Variants in CWC22 observed in about 807,000 individuals in gnomAD.
CWC22 encodes the protein CWC22 spliceosome associated protein.
Under a neutral mutation model 117.2 loss-of-function variants are expected in CWC22, and 53 were observed. That is an observed-to-expected ratio of 0.45 (90% confidence interval 0.36 to 0.57). The LOEUF (loss-of-function observed/expected upper bound fraction) is 0.57, where lower values mean the gene tolerates loss of function less well. Ranked by LOEUF, CWC22 falls within the 20% of genes least tolerant of loss-of-function variation. The pLI, the probability that CWC22 is intolerant of heterozygous loss-of-function variation, is 0.00. For synonymous variants in CWC22, 360 were observed against 355.6 expected, an observed-to-expected ratio of 1.01 and a Z score of -0.14; for missense variants, 980 against 1,068.8, an observed-to-expected ratio of 0.92 and a Z score of 1.16.
At chr2:179,998,306 G>A (rs1687758465) in intron 1 of CWC22, among the ~76,000 whole-genome samples, 1 of 152,062 alleles carries the variant, frequency 6.6e-6, no homozygotes, top group African/African-American at 2.4e-5. Flanking sequence ...TAATTCATAG[G>A]TAAGAAGTGT....
At chr2:179,957,649 G>A (rs922115051) in intron 14 of CWC22, among the ~76,000 whole-genome samples, 7 of 152,072 alleles carry the variant, frequency 4.6e-5, no homozygotes, top group African/African-American at 1.4e-4. Context: ...ACTTAGCTCC[G>A]ATAATCAAGA....
At chr2:179,997,290 G>GAT (rs550447802) in intron 1 of CWC22, among the ~76,000 whole-genome samples, 351 of 151,170 alleles carry the variant, frequency 2.3e-3, no homozygotes, top group South Asian at 0.02. Flanking sequence ...AAAAGTTAAG[G>GAT]ATATATATAT....
At chr2:179,952,961 T>G (rs1263210931) in intron 16 of CWC22, among the ~76,000 whole-genome samples, 3 of 152,092 alleles carry the variant, frequency 2.0e-5, no homozygotes, top group Non-Finnish European at 4.4e-5. Flanking sequence ...ACTTAGCACA[T>G]TAGGCTACAA....
intron 17 of CWC22, among the ~76,000 whole-genome samples, chr2:179,951,531 A>C (rs10497552): frequency 0.074 from 11,293 of 152,182 alleles, 594 homozygotes; most frequent in Non-Finnish European, 0.11. Context: ...TCACAGAAAA[A>C]GGTACAATAT....
chr2:180,001,573 G>A (rs1049594013), intron 1 of CWC22, among the ~76,000 whole-genome samples: 5 of 152,170 alleles, frequency 3.3e-5, no homozygotes, highest in Non-Finnish European at 7.4e-5. Flanking sequence ...CAAGTGATCT[G>A]CCCACCTGGG....
intron 13 of CWC22, among the ~76,000 whole-genome samples, chr2:179,963,177 TA>T (rs1048166839): frequency 1.6e-4 from 25 of 152,024 alleles, no homozygotes; most frequent in African/African-American, 6.0e-4. Context: ...AAAGTTAATG[TA>T]ACTGCAATAC....
chr2:180,004,704 C>T (rs925715222), intron 1 of CWC22, among the ~76,000 whole-genome samples: 2 of 151,730 alleles, frequency 1.3e-5, no homozygotes, highest in African/African-American at 4.8e-5. Flanking sequence ...CCCCTCCCCC[C>T]CAGGAGAGTT....
chr2:179,993,807 A>C (rs1009136636), intron 1 of CWC22, among the ~76,000 whole-genome samples: 1 of 152,172 alleles, frequency 6.6e-6, no homozygotes, highest in African/African-American at 2.4e-5. Context: ...ATTAAAAAAA[A>C]CCTGAGGAAA....
Position 179,981,787 on chromosome 2 carries a change from G to C in CWC22, c.417C>G (p.Leu139=). The C allele has an allele frequency of 6.2e-7, 1 of 1,613,790 alleles. No homozygotes were observed. The highest frequency in any genetic ancestry group is 1.1e-5 in the South Asian group (1 of 91,062). The change falls in exon 5 of 20, where the codon CTC becomes CTG. Residue 139 remains leucine, a synonymous_variant. Transcript: ENST00000410053. The part of the protein sequence containing the change: ...TGGAYIPPAK[L]RMMQEQITDK... ...CTGTAATCTGTTCCTGCATCATCCT[G>C]AGCTTTGCAGGGGGAATATATGCTC... is the stretch of plus-strand genomic sequence containing the variant.
At chr2:179,973,975 G>T (rs1187169525) in intron 6 of CWC22, among the ~76,000 whole-genome samples, 173 bp from the exon 7 acceptor site, 1 of 152,098 alleles carries the variant, frequency 6.6e-6, no homozygotes, top group Non-Finnish European at 1.5e-5. Flanking sequence ...TTCAGAAAAC[G>T]AAATGTGAAT....
chr2:179,974,242 A>G (rs538281564), intron 6 of CWC22, among the ~76,000 whole-genome samples: 7 of 152,342 alleles, frequency 4.6e-5, no homozygotes, highest in African/African-American at 1.7e-4. Context: ...TTGTGATTAA[A>G]GACAAATTTG....
intron 2 of CWC22, among the ~76,000 whole-genome samples, chr2:179,989,117 G>T (rs1212904629): frequency 6.6e-6 from 1 of 151,790 alleles, no homozygotes; most frequent in African/African-American, 2.4e-5. Flanking sequence ...AAAACCCATT[G>T]TATCATTCTT....
chr2:179,948,228 C>T (rs190479412), intron 19 of CWC22, among the ~76,000 whole-genome samples: 3 of 152,168 alleles, frequency 2.0e-5, no homozygotes, highest in Non-Finnish European at 4.4e-5. Context: ...AAATAAATGA[C>T]AGTATTGGAC....
At chr2:179,988,742 TTG>T in intron 2 of CWC22, 98 bp from the exon 3 acceptor site, 1 of 606,864 alleles carries the variant, frequency 1.6e-6, no homozygotes, top group Non-Finnish European at 2.8e-6. Context: ...ACTTTAGAAA[TTG>T]TATCAAAACA....
chr2:179,959,139 A>G (rs903407033), intron 13 of CWC22, 57 bp from the exon 14 acceptor site: 1 of 978,098 alleles, frequency 1.0e-6, no homozygotes, highest in Admixed American at 2.3e-5. Flanking sequence ...ACACTCTTAT[A>G]CACAAGAATC....
intron 13 of CWC22, 121 bp from the exon 14 acceptor site, chr2:179,959,203 G>A (rs986210864): frequency 1.2e-5 from 8 of 650,000 alleles, no homozygotes; most frequent in South Asian, 2.2e-5. Context: ...TCATATTGTT[G>A]TACTGTGTAT....
intron 17 of CWC22, among the ~76,000 whole-genome samples, chr2:179,951,307 G>A (rs1042316384): frequency 2.0e-5 from 3 of 151,980 alleles, no homozygotes; most frequent in African/African-American, 7.3e-5. Context: ...TGTTGTGTAT[G>A]TACACGTACA....
intron 8 of CWC22, 127 bp downstream of exon 8, chr2:179,973,058 AATGAAAAT>A (rs1438286144): frequency 2.3e-6 from 1 of 436,586 alleles, no homozygotes; most frequent in African/African-American, 2.0e-5. Flanking sequence ...ATAGTTTTAA[AATGAAAAT>A]ATCATCCAAC....
intron 14 of CWC22, among the ~76,000 whole-genome samples, chr2:179,955,855 G>C (rs1244226499): frequency 6.6e-6 from 1 of 151,790 alleles, no homozygotes; most frequent in Non-Finnish European, 1.5e-5. Flanking sequence ...TTATAGCAAT[G>C]TCATAGATGA....
Sources: allele counts gnomAD v4.1 joint callset (sites outside exome capture counted in the v4.1 genomes callset), GRCh38; gene constraint gnomAD v4.1.1; transcripts MANE v1.5; gene names NCBI Gene and HGNC (gene_info 2026-07-23, HGNC 2026-07-21).